WBP1L: variants seen among roughly 807,000 people sequenced by gnomAD.
WBP1L encodes WW domain binding protein 1-like.
A neutral mutation model predicts 33.7 loss-of-function variants in WBP1L; 17 were observed. The ratio of observed to expected loss-of-function variants is 0.50; its 90% confidence interval spans 0.34 to 0.76. The LOEUF (loss-of-function observed/expected upper bound fraction) is 0.76, where lower values mean the gene tolerates loss of function less well. WBP1L is among the 30% of genes least tolerant of loss of function. The pLI is 0.01. For missense variants in WBP1L, 389 were observed against 469.4 expected (o/e 0.83, Z 1.58); for synonymous variants, 173 against 190.8 (o/e 0.91, Z 0.77).
intron 2 of WBP1L, among the ~76,000 whole-genome samples, chr10:102,806,854 G>A (rs1313426015): frequency 5.3e-5 from 8 of 152,158 alleles, no homozygotes; most frequent in Admixed American, 1.3e-4. Context: ...ATTCCAGGGG[G>A]ACAGAGAAAG....
rs1055885649 is a variant in WBP1L at position 102,798,063 on chromosome 10, C to T, written c.161C>T (p.Ser54Phe). ...GACACAGGACACTGCTGTGGACAGTCTCAGTGCTGCAACTACTACTATGAA... is the reference window on the plus strand; with the variant it reads ...GACACAGGACACTGCTGTGGACAGTTTCAGTGCTGCAACTACTACTATGAA... ...ICDTGHCCGQ[S>F]QCCNYYYELW... The change falls in exon 2 of 4, where the codon TCT becomes TTT. Residue 54 changes from serine (S) to phenylalanine (F), a missense_variant. Ser to Phe is a radical substitution (Grantham distance 155, BLOSUM62 -2). Coordinates refer to ENST00000448841, the MANE Select transcript of WBP1L (RefSeq NM_001083913.2). 3.1e-6 allele frequency: 5 copies of T among 1,614,092 alleles called. No homozygotes were observed. Among genetic ancestry groups the T allele is most frequent in the Admixed American group, 1.7e-5 (1 of 60,010 alleles).
intron 1 of WBP1L, among the ~76,000 whole-genome samples, chr10:102,749,283 G>C (rs1303469110): frequency 1.3e-5 from 2 of 152,078 alleles, no homozygotes; most frequent in Non-Finnish European, 2.9e-5. Flanking sequence ...TTTAGAGACA[G>C]AATCTTGCTC....
At chr10:102,804,096 T>G (rs1447659227) in intron 2 of WBP1L, 1 of 152,080 alleles carries the variant, frequency 6.6e-6, no homozygotes, top group African/African-American at 2.4e-5. Context: ...GATTAAAATT[T>G]TTCCTAAGTT....
chr10:102,788,968 A>G (rs1335746222), intron 1 of WBP1L, among the ~76,000 whole-genome samples: 1 of 151,596 alleles, frequency 6.6e-6, no homozygotes, highest in African/African-American at 2.4e-5. Flanking sequence ...TTTATTATTT[A>G]TTTTTTACTG....
intron 1 of WBP1L, among the ~76,000 whole-genome samples, chr10:102,758,598 G>T (rs1016940650): frequency 5.3e-5 from 8 of 152,170 alleles, no homozygotes; most frequent in South Asian, 2.1e-4. Flanking sequence ...GGGGCTTAGC[G>T]GGTGTTCTCC....
chr10:102,796,370 G>A (rs1843573882), intron 1 of WBP1L, among the ~76,000 whole-genome samples: 1 of 152,190 alleles, frequency 6.6e-6, no homozygotes, highest in African/African-American at 2.4e-5. Context: ...CACTAAGCCG[G>A]GGAACTGGTT....
At chr10:102,755,715 A>G (rs1842966507) in intron 1 of WBP1L, among the ~76,000 whole-genome samples, 1 of 151,692 alleles carries the variant, frequency 6.6e-6, no homozygotes, top group Non-Finnish European at 1.5e-5. Context: ...AAATGACACA[A>G]AAACAACACG....
intron 2 of WBP1L, among the ~76,000 whole-genome samples, chr10:102,805,468 C>T (rs1039715816): frequency 4.6e-5 from 7 of 150,902 alleles, no homozygotes; most frequent in Non-Finnish European, 7.4e-5. Context: ...GATGGGATCT[C>T]GCTGTGTTAC....
intron 1 of WBP1L, among the ~76,000 whole-genome samples, chr10:102,769,239 C>T (rs946585389): frequency 6.6e-6 from 1 of 152,214 alleles, no homozygotes; most frequent in Non-Finnish European, 1.5e-5. Flanking sequence ...CCCACATCAG[C>T]CTCCTGAAGT....
At chr10:102,783,311 C>T (rs953542700) in intron 1 of WBP1L, among the ~76,000 whole-genome samples, 2 of 152,232 alleles carry the variant, frequency 1.3e-5, no homozygotes, top group Admixed American at 1.3e-4. Context: ...ATCACACCCC[C>T]ACAGCCTTGC....
At chr10:102,771,762 C>T (rs1281385760) in intron 1 of WBP1L, among the ~76,000 whole-genome samples, 2 of 149,660 alleles carry the variant, frequency 1.3e-5, no homozygotes, top group Non-Finnish European at 3.0e-5. Context: ...GAGCCAAGAT[C>T]GTGCCACCAC....
Position 102,815,107 on chromosome 10 carries a change from ACGT to A in WBP1L, c.*1778_*1780del, listed in dbSNP as rs1843914233. ...CAGCCATTCTCTCCACGTGAACCAC[ACGT>A]CTGGAGCACAGACAGGCCTCTCAAG... On this transcript the variant is annotated 3_prime_UTR_variant, in exon 4 of 4. Transcript: ENST00000448841. 1 of 152,560 alleles carries A rather than the reference ACGT, an allele frequency of 6.6e-6. No individual in the cohort carries two copies. Among genetic ancestry groups the A allele is most frequent in the African/African-American group, 2.4e-5 (1 of 41,420 alleles). The allele number at this position is 152,560 out of a possible 1,614,324, so 9.5% of individuals were successfully genotyped here. A position where few individuals can be genotyped will look rare whatever the true frequency, so the allele number is the denominator to read the frequency against.
In WBP1L at chr10:102,816,160, T is replaced by C. The variant is rs964787920; in HGVS notation, c.*2829T>C. 8 of 152,648 alleles carry C rather than the reference T, an allele frequency of 5.2e-5. No individual in the cohort carries two copies. Among genetic ancestry groups the C allele is most frequent in the African/African-American group, 1.7e-4 (7 of 41,444 alleles). The allele number at this position is 152,648 out of a possible 1,614,324, so 9.5% of individuals were successfully genotyped here. A position where few individuals can be genotyped will look rare whatever the true frequency, so the allele number is the denominator to read the frequency against. On this transcript the variant is annotated 3_prime_UTR_variant, in exon 4 of 4. Transcript: ENST00000448841. Reference sequence around the variant, plus strand: ...GCAATAAGATTCAGCTGGTCAGACTTTTCTGGGCAGTCTCAGTGACGCATT... The same window carrying C: ...GCAATAAGATTCAGCTGGTCAGACTCTTCTGGGCAGTCTCAGTGACGCATT...
chr10:102,760,462 C>T (rs1033619761), intron 1 of WBP1L, among the ~76,000 whole-genome samples: 2 of 151,030 alleles, frequency 1.3e-5, no homozygotes, highest in South Asian at 2.1e-4. Context: ...ACTCAACCTC[C>T]GCCTCCCGGG....
At chr10:102,778,657 G>A (rs1489145450) in intron 1 of WBP1L, among the ~76,000 whole-genome samples, 1 of 152,174 alleles carries the variant, frequency 6.6e-6, no homozygotes, top group Non-Finnish European at 1.5e-5. Context: ...CAATCTTGGA[G>A]TAGTTTTGGT....
At chr10:102,806,492 T>A (rs1232609247) in intron 2 of WBP1L, among the ~76,000 whole-genome samples, 1 of 152,152 alleles carries the variant, frequency 6.6e-6, no homozygotes, top group East Asian at 1.9e-4. Flanking sequence ...CTGCAAGGGT[T>A]CCTCTGCCAG....
intron 1 of WBP1L, among the ~76,000 whole-genome samples, chr10:102,750,605 G>A (rs193262961): frequency 3.6e-4 from 54 of 151,772 alleles, no homozygotes; most frequent in Admixed American, 9.2e-4. Flanking sequence ...GAGTTCAAGC[G>A]CTTCTCCTGC....
Position 102,812,971 on chromosome 10 carries a change from G to T in WBP1L, c.732G>T (p.Leu244=), listed in dbSNP as rs141966672. 2.5e-6 allele frequency: 4 copies of T among 1,610,762 alleles called. No individual in the cohort carries two copies. The African/African-American group carries it at 5.3e-5, about 22-fold the overall frequency. The change falls in exon 4 of 4, where the codon CTG becomes CTT. Residue 244 remains leucine, a synonymous_variant. Transcript: ENST00000448841. ...ATGCAGAATGTAGGGAGGAGCTGCT[G>T]AAAGATGACAGCTCTGAACACGGCG... ...DKDAECREEL[L]KDDSSEHGAP...
chr10:102,781,497 T>A (rs569355485), intron 1 of WBP1L, among the ~76,000 whole-genome samples: 9 of 152,256 alleles, frequency 5.9e-5, no homozygotes, highest in African/African-American at 2.2e-4. Flanking sequence ...TCTTGGTGTC[T>A]GTCTGCCCCT....
Sources: allele counts gnomAD v4.1 joint callset (sites outside exome capture counted in the v4.1 genomes callset), GRCh38; gene constraint gnomAD v4.1.1; transcripts MANE v1.5; gene names NCBI Gene and HGNC (gene_info 2026-07-23, HGNC 2026-07-21).